The following PIGU variants were observed in gnomAD, a reference collection of about 807,000 sequenced individuals.
The protein encoded by PIGU is GPI-anchor transamidase component PIGU.
A neutral mutation model predicts 49.9 loss-of-function variants in PIGU; 24 were observed. That is an observed-to-expected ratio of 0.48 (90% confidence interval 0.35 to 0.68). The LOEUF (loss-of-function observed/expected upper bound fraction) is 0.68. Among genes scored for constraint, PIGU ranks in the 30% least tolerant of loss-of-function variants. The pLI, the probability that PIGU is intolerant of heterozygous loss-of-function variation, is 0.01. For synonymous variants in PIGU, 220 were observed against 205.7 expected, an observed-to-expected ratio of 1.07 and a Z score of -0.59; for missense variants, 490 against 532.6, an observed-to-expected ratio of 0.92 and a Z score of 0.79.
chr20:34,612,325 A>G (rs976337842), intron 7 of PIGU, among the ~76,000 whole-genome samples: 3 of 152,116 alleles, frequency 2.0e-5, no homozygotes, highest in African/African-American at 2.4e-5. Context: ...GGACACAGGG[A>G]GGTGAACATC....
chr20:34,596,274 T>A (rs2146721779), intron 7 of PIGU, among the ~76,000 whole-genome samples: 1 of 152,294 alleles, frequency 6.6e-6, no homozygotes, highest in African/African-American at 2.4e-5. Context: ...AAGTCATGAA[T>A]GACAAGAGAA....
Position 34,676,996 on chromosome 20 carries a change from C to A in PIGU, c.90G>T (p.Glu30Asp). Residue 30 changes from glutamate to aspartate, a missense_variant, in exon 1 of 12, where the codon GAG becomes GAT. Transcript: ENST00000217446. ...TCAGTGGGGACACCACCTCCACCCG[C>A]TCGGAAATGAACTCGGCCAGACTGG... is the stretch of plus-strand genomic sequence containing the variant. ...FRSSLAEFIS[E>D]RVEVVSPLSS... 1.9e-6 allele frequency: 3 copies of A among 1,583,404 alleles called. No individual in the cohort carries two copies. The highest frequency in any genetic ancestry group is 2.6e-6 in the Non-Finnish European group (3 of 1,165,658).
intron 7 of PIGU, among the ~76,000 whole-genome samples, chr20:34,590,739 G>C (rs768163446): frequency 2.6e-5 from 4 of 151,924 alleles, no homozygotes; most frequent in Non-Finnish European, 5.9e-5. Context: ...ATAAGACACA[G>C]AGGCCGGGCG....
rs949944211 is a variant in PIGU at position 34,577,513 on chromosome 20, C to T, written c.1052-2267G>A. Among the ~76,000 whole-genome samples the T allele has an allele frequency of 3.9e-5, 6 of 152,072 alleles. 1 individual carries two copies. The highest frequency in any genetic ancestry group is 4.1e-4 in the South Asian group (2 of 4,822). ...GGTAGATCACCTGAGGTCAAGAGTTCGAAACCAGCCTGGCCAACGTGGCAA... is the reference window on the plus strand; with the variant it reads ...GGTAGATCACCTGAGGTCAAGAGTTTGAAACCAGCCTGGCCAACGTGGCAA... On this transcript the variant is annotated intron_variant, in intron 10 of 11. Transcript: ENST00000217446.
rs1024447749 is a variant in PIGU at position 34,666,031 on chromosome 20, T to G, written c.131-8787A>C. 2.6e-5 allele frequency among the ~76,000 whole-genome samples: 4 copies of G among 151,866 alleles called. No individual in the cohort carries two copies. The East Asian group carries it at 7.7e-4, about 29-fold the overall frequency. On this transcript the variant is annotated intron_variant, in intron 1 of 11. Coordinates refer to ENST00000217446, the MANE Select transcript of PIGU (RefSeq NM_080476.5). ...TGAAACCCCGTCTCTACTAAGAATA[T>G]AAAAATTAGCCAGGCATGGTGGCAT...
chr20:34,561,103 C>T (rs1982483471), intron 11 of PIGU, 124 bp from the exon 12 acceptor site: 1 of 664,928 alleles, frequency 1.5e-6, no homozygotes, highest in Non-Finnish European at 2.6e-6. Flanking sequence ...ATCACAATCA[C>T]TGGAGAGGCC....
At chr20:34,634,872 T>C (rs1329057001) in intron 5 of PIGU, among the ~76,000 whole-genome samples, 157 bp from the exon 6 acceptor site, 1 of 152,014 alleles carries the variant, frequency 6.6e-6, no homozygotes, top group Non-Finnish European at 1.5e-5. Context: ...AGAGTGGGGG[T>C]TGAGGCTGAT....
At chr20:34,627,581 T>A (rs1263510167) in intron 6 of PIGU, among the ~76,000 whole-genome samples, 1 of 152,122 alleles carries the variant, frequency 6.6e-6, no homozygotes, top group African/African-American at 2.4e-5. Flanking sequence ...TTTTTTTTAA[T>A]GGCATACTTT....
chr20:34,649,895 C>G (rs1199056200), intron 2 of PIGU, among the ~76,000 whole-genome samples: 1 of 134,746 alleles, frequency 7.4e-6, no homozygotes, highest in Non-Finnish European at 1.6e-5. Flanking sequence ...GTCACCCAGG[C>G]TGGAGTGCAG....
intron 7 of PIGU, among the ~76,000 whole-genome samples, chr20:34,602,668 ACT>A (rs2146728204): frequency 6.6e-6 from 1 of 152,296 alleles, no homozygotes; most frequent in Non-Finnish European, 1.5e-5. Flanking sequence ...TGCCCTAAAA[ACT>A]CTATCAATTT....
At chr20:34,622,654 T>C (rs938318346) in intron 6 of PIGU, among the ~76,000 whole-genome samples, 2 of 152,148 alleles carry the variant, frequency 1.3e-5, no homozygotes, top group Admixed American at 6.5e-5. Context: ...CCTGAAATCA[T>C]GTCTGAAATG....
chr20:34,615,489 A>G (rs1287126340), intron 7 of PIGU, among the ~76,000 whole-genome samples: 1 of 152,258 alleles, frequency 6.6e-6, no homozygotes, highest in Non-Finnish European at 1.5e-5. Flanking sequence ...ATGCACTTAT[A>G]CATTCCCAAG....
Position 34,560,564 on chromosome 20 carries a change from T to G in PIGU, c.*302A>C, listed in dbSNP as rs1982434062. On this transcript the variant is annotated 3_prime_UTR_variant, in exon 12 of 12. Transcript: ENST00000217446. ...GGGTAGACTTCATAACAAAAAACATTTATTAAGTAGCCACAATCTAACAAG... is the reference window on the plus strand; with the variant it reads ...GGGTAGACTTCATAACAAAAAACATGTATTAAGTAGCCACAATCTAACAAG... 2.8e-6 allele frequency: 1 copy of G among 358,320 alleles called. No homozygotes were observed. The highest frequency in any genetic ancestry group is 4.5e-5 in the Admixed American group (1 of 22,076). The allele number at this position is 358,320 out of a possible 1,614,324, so 22.2% of individuals were successfully genotyped here. A position where few individuals can be genotyped will look rare whatever the true frequency, so the allele number is the denominator to read the frequency against.
At chr20:34,597,717 G>A (rs1189133946) in intron 7 of PIGU, among the ~76,000 whole-genome samples, 1 of 152,170 alleles carries the variant, frequency 6.6e-6, no homozygotes, top group East Asian at 1.9e-4. Flanking sequence ...ATGGATAGAT[G>A]GATATGTGAT....
rs1481577529 is a variant in PIGU, at chr20:34,657,234, G to C, written c.141C>G (p.Gly47=). Residue 47 remains glycine (G), a synonymous_variant, in exon 2 of 12, where the codon GGC becomes GGG. Transcript: ENST00000217446. ...ATACTCCCAAGTCCAACAGTGAAAGGCCTTCAACCACTGAAAAATTAGATA... is the reference window on the plus strand; with the variant it reads ...ATACTCCCAAGTCCAACAGTGAAAGCCCTTCAACCACTGAAAAATTAGATA... The part of the protein sequence containing the change: ...PLSSWKRVVE[G]LSLLDLGVSP... 1 of 1,612,264 alleles carries C rather than the reference G, an allele frequency of 6.2e-7. No homozygotes were observed.
intron 2 of PIGU, among the ~76,000 whole-genome samples, chr20:34,650,549 G>A (rs1271235170): frequency 3.3e-5 from 5 of 152,092 alleles, no homozygotes; most frequent in South Asian, 2.1e-4. Flanking sequence ...GATTACAAGC[G>A]TGAGCCACTG....
At chr20:34,659,788 C>T (rs897247358) in intron 1 of PIGU, among the ~76,000 whole-genome samples, 2 of 152,038 alleles carry the variant, frequency 1.3e-5, no homozygotes, top group Non-Finnish European at 2.9e-5. Flanking sequence ...GTGCTGTGTC[C>T]ACTCAGGGTT....
chr20:34,634,807 C>T, intron 5 of PIGU, 92 bp from the exon 6 acceptor site: 2 of 1,514,462 alleles, frequency 1.3e-6, no homozygotes, highest in Non-Finnish European at 8.9e-7. Context: ...TTATTAAAAG[C>T]TTACGCAAAG....
intron 3 of PIGU, 108 bp from the exon 4 acceptor site, chr20:34,644,334 G>A: frequency 1.2e-6 from 1 of 855,206 alleles, no homozygotes; most frequent in Non-Finnish European, 1.9e-6. Context: ...ACCAAGTACT[G>A]GACTCTTACA....
Sources: allele counts gnomAD v4.1 joint callset (sites outside exome capture counted in the v4.1 genomes callset), GRCh38; gene constraint gnomAD v4.1.1; transcripts MANE v1.5; gene names NCBI Gene and HGNC (gene_info 2026-07-23, HGNC 2026-07-21).